The following TNFSF4 variants were observed in gnomAD, a reference collection of about 807,000 sequenced individuals.
TNFSF4 encodes the protein TNF superfamily member 4.
A neutral mutation model predicts 7.3 loss-of-function variants in TNFSF4; 4 were observed. The observed-to-expected ratio is 0.55, with a 90% confidence interval of 0.27 to 1.25. TNFSF4 has a LOEUF of 1.25. Among genes scored for constraint, TNFSF4 ranks in the 50% most tolerant of loss-of-function variants. The probability of loss-of-function intolerance (pLI) is 0.12; values close to 1 mark genes in which losing one functional copy is unlikely to be tolerated. For missense variants in TNFSF4, 181 were observed against 208.8 expected (o/e 0.87, Z 0.82); for synonymous variants, 76 against 83.7 (o/e 0.91, Z 0.50).
the TNFSF4 span, among the ~76,000 whole-genome samples, chr1:173,433,807 T>C: frequency 6.6e-6 from 1 of 152,194 alleles, no homozygotes; most frequent in Non-Finnish European, 1.5e-5. Context: ...TACATTGAAG[T>C]CCTATCTCCC....
the TNFSF4 span, among the ~76,000 whole-genome samples, chr1:173,366,019 C>T: frequency 6.6e-6 from 1 of 152,262 alleles, no homozygotes; most frequent in Admixed American, 6.5e-5. Context: ...CCCTCATACA[C>T]TGTTGGTGGG....
chr1:173,425,948 T>C, the TNFSF4 span, among the ~76,000 whole-genome samples: 2 of 152,244 alleles, frequency 1.3e-5, no homozygotes, highest in Admixed American at 1.3e-4. Flanking sequence ...CTCTCCCCTG[T>C]TGAGGTTTGA....
the TNFSF4 span, among the ~76,000 whole-genome samples, chr1:173,353,235 T>C: frequency 5.9e-5 from 9 of 152,146 alleles, no homozygotes; most frequent in South Asian, 4.1e-4. Flanking sequence ...ATTATAAGAG[T>C]ATTGATTGGG....
chr1:173,269,993 T>C, the TNFSF4 span, among the ~76,000 whole-genome samples: 3 of 152,232 alleles, frequency 2.0e-5, no homozygotes, highest in South Asian at 4.1e-4. Context: ...GTTGCAGGAA[T>C]GCTAAGAAGG....
the TNFSF4 span, among the ~76,000 whole-genome samples, chr1:173,220,067 C>T: frequency 6.6e-6 from 1 of 151,318 alleles, no homozygotes; most frequent in Non-Finnish European, 1.5e-5. Flanking sequence ...ATTGTAAAGA[C>T]TAAAAAAAAA....
At chr1:173,348,387 C>G in the TNFSF4 span, among the ~76,000 whole-genome samples, 1 of 152,174 alleles carries the variant, frequency 6.6e-6, no homozygotes, top group African/African-American at 2.4e-5. Context: ...GTGAGGCCTC[C>G]TCAGCCATGG....
the TNFSF4 span, among the ~76,000 whole-genome samples, chr1:173,284,401 G>GC: frequency 6.6e-6 from 1 of 152,210 alleles, no homozygotes; most frequent in African/African-American, 2.4e-5. Flanking sequence ...AGGTAAAGCA[G>GC]CAAGTGCTGA....
the TNFSF4 span, among the ~76,000 whole-genome samples, chr1:173,376,685 A>G: frequency 6.6e-6 from 1 of 152,230 alleles, no homozygotes; most frequent in Non-Finnish European, 1.5e-5. Context: ...AAAATGGACC[A>G]ATCGGCAGGA....
chr1:173,386,066 T>C, the TNFSF4 span, among the ~76,000 whole-genome samples: 6 of 152,072 alleles, frequency 3.9e-5, no homozygotes, highest in African/African-American at 1.2e-4. Context: ...TCAGAGATCT[T>C]CAAAGCTGCC....
the TNFSF4 span, among the ~76,000 whole-genome samples, chr1:173,330,721 A>C: frequency 6.6e-6 from 1 of 152,180 alleles, no homozygotes; most frequent in Non-Finnish European, 1.5e-5. Context: ...AGCATAGTGA[A>C]AGTGCATTGC....
chr1:173,186,646 G>GCCA lies in TNFSF4; in HGVS notation c.419_421dup (p.Val140dup), dbSNP rs1413285363. On this transcript the variant is annotated inframe_insertion, in exon 3 of 3. Coordinates refer to ENST00000281834, the MANE Select transcript of TNFSF4 (RefSeq NM_003326.5). ...GACTTTGTCTTTGTAAGTCAGAGAG[G>GCCA]CCACCATCAAGGAGTTGACAGACCT... The GCCA allele has an allele frequency of 1.2e-6, 2 of 1,614,054 alleles. No homozygotes were observed. Among genetic ancestry groups the GCCA allele is most frequent in the Non-Finnish European group, 1.7e-6 (2 of 1,180,016 alleles).
At chr1:173,289,284 T>A in the TNFSF4 span, among the ~76,000 whole-genome samples, 1 of 152,120 alleles carries the variant, frequency 6.6e-6, no homozygotes, top group East Asian at 1.9e-4. Context: ...GATGAAGATT[T>A]ATATAGAAAT....
At chr1:173,401,042 AT>A in the TNFSF4 span, among the ~76,000 whole-genome samples, 1 of 152,138 alleles carries the variant, frequency 6.6e-6, no homozygotes, top group Admixed American at 6.5e-5. Context: ...ATACATATAT[AT>A]TTGCTTTCTT....
At chr1:173,390,420 T>C in the TNFSF4 span, among the ~76,000 whole-genome samples, 1 of 152,198 alleles carries the variant, frequency 6.6e-6, no homozygotes, top group South Asian at 2.1e-4. Flanking sequence ...GTTTTGGCCC[T>C]GGGATTTTTC....
chr1:173,340,604 T>C, the TNFSF4 span, among the ~76,000 whole-genome samples: 1 of 152,022 alleles, frequency 6.6e-6, no homozygotes, highest in Non-Finnish European at 1.5e-5. Context: ...GGAGGAGAGA[T>C]TGGTCGACCT....
chr1:173,307,602 A>C, the TNFSF4 span, among the ~76,000 whole-genome samples: 1 of 151,960 alleles, frequency 6.6e-6, no homozygotes, highest in Non-Finnish European at 1.5e-5. Context: ...AATTTTCTGA[A>C]TGCAATAATC....
chr1:173,278,210 A>T, the TNFSF4 span, among the ~76,000 whole-genome samples: 3 of 152,066 alleles, frequency 2.0e-5, no homozygotes, highest in Non-Finnish European at 4.4e-5. Flanking sequence ...TTGTGCATCC[A>T]GAGATCTTGT....
chr1:173,399,387 A>G, the TNFSF4 span, among the ~76,000 whole-genome samples: 1 of 152,188 alleles, frequency 6.6e-6, no homozygotes. Flanking sequence ...AACATCTGTG[A>G]AGGATACTGG....
At chr1:173,205,749 C>G in intron 1 of TNFSF4, 1 of 208,226 alleles carries the variant, frequency 4.8e-6, no homozygotes, top group Non-Finnish European at 8.5e-6. Context: ...GCCATGGACA[C>G]CTTACTCTTC....
Sources: allele counts gnomAD v4.1 joint callset (sites outside exome capture counted in the v4.1 genomes callset), GRCh38; gene constraint gnomAD v4.1.1; transcripts MANE v1.5; gene names NCBI Gene and HGNC (gene_info 2026-07-23, HGNC 2026-07-21).